The following CSMD1 variants were observed in gnomAD, a reference collection of about 807,000 sequenced individuals.
The protein encoded by CSMD1 is CUB and sushi domain-containing protein 1.
In CSMD1, 213 loss-of-function variants were observed where a neutral mutation model predicts 417.5. The ratio of observed to expected loss-of-function variants is 0.51; its 90% CI spans 0.46 to 0.57. CSMD1 has a LOEUF of 0.57. Ranked by LOEUF, CSMD1 falls within the 20% of genes least tolerant of loss-of-function variation. The probability of loss-of-function intolerance (pLI) is 0.00; values close to 1 mark genes in which losing one functional copy is unlikely to be tolerated. For synonymous variants in CSMD1, 2,862 were observed against 1,736.8 expected (o/e 1.65, Z -16.11); for missense variants, 6,923 against 4,529.7 (o/e 1.53, Z -15.17).
At chr8:3,720,641 A>T (rs1802103111) in intron 6 of CSMD1, among the ~76,000 whole-genome samples, 1 of 151,804 alleles carries the variant, frequency 6.6e-6, no homozygotes, top group African/African-American at 2.4e-5. Context: ...ACACACACAC[A>T]CACACACACA....
chr8:3,314,736 G>T (rs936134474), intron 23 of CSMD1, among the ~76,000 whole-genome samples: 1 of 152,150 alleles, frequency 6.6e-6, no homozygotes, highest in African/African-American at 2.4e-5. Flanking sequence ...ATATTCTTAA[G>T]AATTAAATCC....
At chr8:3,252,992 G>C (rs1297213938) in intron 26 of CSMD1, among the ~76,000 whole-genome samples, 1 of 152,010 alleles carries the variant, frequency 6.6e-6, no homozygotes, top group Non-Finnish European at 1.5e-5. Flanking sequence ...TATCAATTTT[G>C]TTGATCTTTT....
intron 1 of CSMD1, among the ~76,000 whole-genome samples, chr8:4,641,703 T>C (rs1803202323): frequency 6.6e-6 from 1 of 152,202 alleles, no homozygotes; most frequent in South Asian, 2.1e-4. Context: ...ACAGACCTCA[T>C]GTATGGTGAT....
At chr8:3,572,375 C>T (rs2116927703) in intron 10 of CSMD1, among the ~76,000 whole-genome samples, 2 of 152,236 alleles carry the variant, frequency 1.3e-5, no homozygotes, top group Admixed American at 1.3e-4. Context: ...GGGAGGTGGG[C>T]AGGAGAGGGG....
intron 3 of CSMD1, among the ~76,000 whole-genome samples, chr8:4,363,617 C>G (rs186774053): frequency 3.9e-4 from 60 of 152,330 alleles, no homozygotes; most frequent in African/African-American, 1.2e-3. Flanking sequence ...ACATCAACGT[C>G]CCTGGGAAGG....
intron 3 of CSMD1, among the ~76,000 whole-genome samples, chr8:4,056,692 C>A (rs79728588): frequency 3.9e-5 from 6 of 151,924 alleles, no homozygotes; most frequent in Admixed American, 6.6e-5. Context: ...CCACTCCCCC[C>A]ACCCCACAAC....
At chr8:3,615,370 C>T (rs1802083553) in intron 8 of CSMD1, among the ~76,000 whole-genome samples, 1 of 152,108 alleles carries the variant, frequency 6.6e-6, no homozygotes, top group Non-Finnish European at 1.5e-5. Context: ...CAATTCTATT[C>T]CACTTCCTCT....
At chr8:3,113,172 C>T (rs921748611) in intron 42 of CSMD1, 4 of 152,364 alleles carry the variant, frequency 2.6e-5, no homozygotes, top group Admixed American at 1.3e-4. Flanking sequence ...AAAGAGGAAG[C>T]TCTGCGTGGA....
At chr8:3,901,826 G>C (rs1424319761) in intron 5 of CSMD1, among the ~76,000 whole-genome samples, 2 of 152,142 alleles carry the variant, frequency 1.3e-5, no homozygotes, top group Non-Finnish European at 2.9e-5. Context: ...AGTATTCTTT[G>C]TTTGCATCCT....
At chr8:3,368,233 T>C (rs943730766) in intron 19 of CSMD1, among the ~76,000 whole-genome samples, 3 of 152,238 alleles carry the variant, frequency 2.0e-5, no homozygotes, top group Admixed American at 6.5e-5. Flanking sequence ...TGCCACACAG[T>C]ACACATAATA....
rs186512059 is a variant in CSMD1 at position 4,523,189 on chromosome 8, G to T, written c.303-103124C>A. On this transcript the variant is annotated intron_variant, in intron 2 of 69. Transcript: ENST00000635120. ...CTCGTCTATTTAGTAATTCAAAATA[G>T]GTCCTTAATACTTGACATGTTCACA... Among the ~76,000 whole-genome samples the T allele has an allele frequency of 3.7e-4, 57 of 152,176 alleles. No individual in the cohort carries two copies. In the East Asian group the frequency reaches 9.7e-3, roughly 26 times the overall value.
intron 3 of CSMD1, among the ~76,000 whole-genome samples, chr8:4,355,889 C>T (rs547012921): frequency 3.5e-4 from 53 of 152,132 alleles, no homozygotes; most frequent in African/African-American, 1.2e-3. Context: ...ATTTAAACAG[C>T]GCAGGTGAGT....
intron 3 of CSMD1, among the ~76,000 whole-genome samples, chr8:4,189,664 T>C (rs139503714): frequency 3.7e-4 from 57 of 152,270 alleles, no homozygotes; most frequent in African/African-American, 1.3e-3. Context: ...CCCTTATTTA[T>C]CATGGAATGC....
chr8:4,423,191 G>T (rs529557241), intron 2 of CSMD1, among the ~76,000 whole-genome samples: 1 of 152,122 alleles, frequency 6.6e-6, no homozygotes, highest in East Asian at 1.9e-4. Flanking sequence ...ATTCAATATC[G>T]TGCTGGAATA....
At chr8:3,995,528 A>C (rs1177320017) in intron 5 of CSMD1, among the ~76,000 whole-genome samples, 1 of 152,264 alleles carries the variant, frequency 6.6e-6, no homozygotes, top group East Asian at 1.9e-4. Context: ...TCAGACCTGG[A>C]CTACACTGAC....
At chr8:3,196,279 G>C (rs572432999) in intron 33 of CSMD1, among the ~76,000 whole-genome samples, 1 of 152,296 alleles carries the variant, frequency 6.6e-6, no homozygotes, top group Admixed American at 6.5e-5. Context: ...TAAAGGAATT[G>C]TCTACCCCTT....
At chr8:4,047,518 G>C (rs962974496) in intron 3 of CSMD1, among the ~76,000 whole-genome samples, 4 of 41,004 alleles carry the variant, frequency 9.8e-5, no homozygotes, top group Non-Finnish European at 3.7e-4. Flanking sequence ...ATTGTGATAT[G>C]TCATTCATTC....
rs73660715 is a variant in CSMD1 at position 4,260,408 on chromosome 8, T to C, written c.415+159545A>G. ...TCGGGTTTTTGTTAACACTAAAAAT[T>C]ATACTTTTATTAATATACTAGTATG... On this transcript the variant is annotated intron_variant, in intron 3 of 69. Transcript: ENST00000635120. Among the ~76,000 whole-genome samples, 879 of 152,334 alleles carry C rather than the reference T, an allele frequency of 5.8e-3. 5 individuals carry two copies. Among genetic ancestry groups the C allele is most frequent in the African/African-American group, 0.021 (855 of 41,582 alleles).
intron 10 of CSMD1, among the ~76,000 whole-genome samples, chr8:3,530,519 G>A (rs535606919): frequency 1.7e-4 from 26 of 152,122 alleles, no homozygotes; most frequent in South Asian, 6.2e-4. Context: ...GAATCTTTTC[G>A]TTTTGTTTTG....
Sources: gnomAD v4.1 joint callset for allele counts (sites outside exome capture counted in the v4.1 genomes callset) on GRCh38, gnomAD v4.1.1 for gene constraint, MANE v1.5 for transcripts, NCBI Gene and HGNC (gene_info 2026-07-23, HGNC 2026-07-21) for gene names.